The following MTM1 variants were observed in gnomAD, a reference collection of about 807,000 sequenced individuals.
The protein encoded by MTM1 is myotubularin 1, also known as myotubularin.
In MTM1, 9 loss-of-function variants were observed where a neutral mutation model predicts 52.1. The ratio of observed to expected loss-of-function variants is 0.17; its 90% CI spans 0.10 to 0.30. MTM1 has a LOEUF of 0.30. Among genes scored for constraint, MTM1 ranks in the 10% least tolerant of loss-of-function variants. The pLI is 1.00. For synonymous variants in MTM1, 136 were observed against 163.8 expected (o/e 0.83, Z 1.29); for missense variants, 277 against 470.7 (o/e 0.59, Z 3.81).
In MTM1 at chrX:150,608,831, T is replaced by TGA. The variant is rs1313518586; in HGVS notation, c.232-5758_232-5757insGA. On this transcript the variant is annotated intron_variant, in intron 4 of 14. Transcript: ENST00000370396. ...ATGATGATGATGATGATGATGATGA[T>TGA]TATTATTATTATTTTTGAGATGAAG... 2.4e-3 allele frequency among the ~76,000 whole-genome samples: 266 copies of TGA among 109,933 alleles called. 1 individual carries two copies. Among genetic ancestry groups the TGA allele is most frequent in the African/African-American group, 8.5e-3 (256 of 30,143 alleles).
At chrX:150,638,232 A>G (rs2039785129) in intron 6 of MTM1, among the ~76,000 whole-genome samples, 1 of 111,764 alleles carries the variant, frequency 8.9e-6, no homozygotes, top group South Asian at 3.8e-4. Context: ...AGAGTTCTTC[A>G]GATGCCTCTT....
At position 150,672,591 on chromosome X, in the gene MTM1, C is replaced by T. The variant is rs2040412508; in HGVS notation, c.*996C>T. On this transcript the variant is annotated 3_prime_UTR_variant, in exon 15 of 15. Transcript: ENST00000370396. ...TTCAATTTCAATGGTGTTGGCTTCCCCTCCCCACCCCACGCGTGCATAAAA... is the reference window on the plus strand; with the variant it reads ...TTCAATTTCAATGGTGTTGGCTTCCTCTCCCCACCCCACGCGTGCATAAAA... The T allele has an allele frequency of 9.0e-6, 1 of 111,373 alleles. No individual in the cohort carries two copies. Among genetic ancestry groups the T allele is most frequent in the Admixed American group, 9.6e-5 (1 of 10,471 alleles). 9.2% of individuals were successfully genotyped at this position (111,373 alleles called of 1,213,427 possible).
intron 6 of MTM1, among the ~76,000 whole-genome samples, chrX:150,632,988 C>T (rs1434679449): frequency 1.8e-5 from 2 of 111,372 alleles, no homozygotes; most frequent in Admixed American, 9.5e-5. Flanking sequence ...ATCACATCCA[C>T]ATCACATCAC....
At chrX:150,663,734 T>A in intron 14 of MTM1, 125 bp downstream of exon 14, 1 of 635,351 alleles carries the variant, frequency 1.6e-6, no homozygotes, top group Non-Finnish European at 2.5e-6. Flanking sequence ...CACTTATTGT[T>A]AAACTCAACC....
At chrX:150,594,149 C>T (rs2038936718) in intron 2 of MTM1, among the ~76,000 whole-genome samples, 1 of 106,725 alleles carries the variant, frequency 9.4e-6, no homozygotes, top group African/African-American at 3.4e-5. Flanking sequence ...TAACTCTGTC[C>T]CTCAGGCTGG....
chrX:150,572,519 A>G (rs1243337721), intron 1 of MTM1, among the ~76,000 whole-genome samples: 2 of 111,923 alleles, frequency 1.8e-5, no homozygotes, highest in Non-Finnish European at 3.8e-5. Flanking sequence ...GCCTGATGTC[A>G]CTGGTATACC....
In MTM1 at chrX:150,672,894, T is replaced by C. The variant is rs2040415834; in HGVS notation, c.*1299T>C. 8.9e-6 allele frequency: 1 copy of C among 112,577 alleles called. No individual in the cohort carries two copies. Among genetic ancestry groups the C allele is most frequent in the African/African-American group, 3.2e-5 (1 of 31,013 alleles). 9.3% of individuals were successfully genotyped at this position (112,577 alleles called of 1,213,427 possible). A position where few individuals can be genotyped will look rare whatever the true frequency, so the allele number is the denominator to read the frequency against. On this transcript the variant is annotated 3_prime_UTR_variant, in exon 15 of 15. Coordinates refer to ENST00000370396, the MANE Select transcript of MTM1 (RefSeq NM_000252.3). ...TAAATTATTTTATGTCATAGTTTAA[T>C]TGGTCTACCAAGTAAGACATCTCAA...
At chrX:150,604,326 C>T (rs1260664515) in intron 4 of MTM1, among the ~76,000 whole-genome samples, 1 of 111,673 alleles carries the variant, frequency 9.0e-6, no homozygotes, top group Non-Finnish European at 1.9e-5. Flanking sequence ...TCCATTGACT[C>T]TTTCATCTGA....
chrX:150,563,566 G>T (rs782462418), upstream of MTM1, among the ~76,000 whole-genome samples: 17 of 104,550 alleles, frequency 1.6e-4, no homozygotes, highest in African/African-American at 5.9e-4. Flanking sequence ...GCTTGCCTCG[G>T]CCTCCCAAAG....
At position 150,641,100 on chromosome X, in the gene MTM1, G is replaced by A. The variant is rs781801299; in HGVS notation, c.529-169G>A. On this transcript the variant is annotated intron_variant, in intron 7 of 14. Coordinates refer to ENST00000370396, the MANE Select transcript of MTM1 (RefSeq NM_000252.3). ...CCAGTGTTTTGTCTTGTGTTCTTAC[G>A]TTGTCTGGATTATTGATTTGGCACC... 5.8e-4 allele frequency among the ~76,000 whole-genome samples: 65 copies of A among 111,728 alleles called. 1 individual carries two copies. Among genetic ancestry groups the A allele is most frequent in the Non-Finnish European group, 8.7e-4 (46 of 53,076 alleles).
At chrX:150,662,082 AAC>A (rs2040231379) in intron 13 of MTM1, among the ~76,000 whole-genome samples, 2 of 111,667 alleles carry the variant, frequency 1.8e-5, no homozygotes, top group Non-Finnish European at 3.8e-5. Flanking sequence ...CTGGGGGAAA[AAC>A]ACAATTGTTT....
chrX:150,646,547 C>T (rs1225913701), intron 9 of MTM1, among the ~76,000 whole-genome samples: 1 of 112,242 alleles, frequency 8.9e-6, no homozygotes, highest in Non-Finnish European at 1.9e-5. Flanking sequence ...CTAAATGGCC[C>T]CAGATTGATG....
intron 14 of MTM1, 88 bp from the exon 15 acceptor site, chrX:150,671,340 A>T: frequency 1.9e-6 from 2 of 1,049,417 alleles, no homozygotes; most frequent in South Asian, 3.8e-5. Context: ...TTATTTACAA[A>T]TCAGCAGTCA....
At chrX:150,629,332 T>C (rs1462790380) in intron 6 of MTM1, among the ~76,000 whole-genome samples, 4 of 112,147 alleles carry the variant, frequency 3.6e-5, no homozygotes, top group African/African-American at 1.3e-4. Context: ...AGTTGTCTTA[T>C]CCTTCCAGGG....
intron 2 of MTM1, among the ~76,000 whole-genome samples, chrX:150,595,978 G>A (rs1451872253): frequency 1.8e-5 from 2 of 109,090 alleles, no homozygotes. Context: ...TAAATGTGAG[G>A]AAGTAAAAAG....
At position 150,631,244 on chromosome X, in the gene MTM1, G is replaced by A. The variant is rs782271731; in HGVS notation, c.445-7699G>A. 3.5e-5 allele frequency among the ~76,000 whole-genome samples: 4 copies of A among 112,757 alleles called. No individual in the cohort carries two copies. The South Asian group carries it at 1.5e-3, about 41-fold the overall frequency. On this transcript the variant is annotated intron_variant, in intron 6 of 14. Transcript: ENST00000370396. ...CAAGTGTCTGGCAAGGGCCAACCAT[G>A]TATGCAGGCCTTTCTAAGGAGGGCA... is the stretch of plus-strand genomic sequence containing the variant.
At chrX:150,599,107 T>G (rs1227556497) in intron 4 of MTM1, among the ~76,000 whole-genome samples, 1 of 112,677 alleles carries the variant, frequency 8.9e-6, no homozygotes, top group East Asian at 2.8e-4. Flanking sequence ...CACAGTTATA[T>G]TTTCTAAAAT....
intron 1 of MTM1, among the ~76,000 whole-genome samples, chrX:150,579,029 A>G (rs868929875): frequency 9.3e-6 from 1 of 108,079 alleles, no homozygotes; most frequent in South Asian, 4.1e-4. Context: ...CTATCTATCT[A>G]TCTATCTATC....
chrX:150,655,982 A>T (rs1321132461), intron 10 of MTM1, among the ~76,000 whole-genome samples: 2 of 112,152 alleles, frequency 1.8e-5, no homozygotes, highest in African/African-American at 6.5e-5. Flanking sequence ...TCTAAGTCTC[A>T]AATTTTTACT....
Sources: gnomAD v4.1 joint callset for allele counts (sites outside exome capture counted in the v4.1 genomes callset) on GRCh38, gnomAD v4.1.1 for gene constraint, MANE v1.5 for transcripts, NCBI Gene and HGNC (gene_info 2026-07-23, HGNC 2026-07-21) for gene names.